The following UXS1 variants were observed in gnomAD, a reference collection of about 807,000 sequenced individuals.
UXS1 encodes UDP-glucuronate decarboxylase 1, also known as UDP-glucuronic acid decarboxylase 1.
In UXS1, 33 loss-of-function variants were observed where a neutral mutation model predicts 62.6. That is an observed-to-expected ratio of 0.53 (90% CI 0.40 to 0.70). UXS1 has a LOEUF of 0.70. Among genes scored for constraint, UXS1 ranks in the 30% least tolerant of loss-of-function variants. UXS1 has a pLI of 0.00. For synonymous variants in UXS1, 213 were observed against 206.8 expected, an observed-to-expected ratio of 1.03 and a Z score of -0.26; for missense variants, 434 against 556.3, an observed-to-expected ratio of 0.78 and a Z score of 2.21.
At chr2:106,100,803 C>T (rs1239312450) in intron 12 of UXS1, 2 of 458,386 alleles carry the variant, frequency 4.4e-6, no homozygotes, top group East Asian at 7.4e-5. Flanking sequence ...AAAGGCTTCA[C>T]ACAATCTTAG....
At chr2:106,177,343 G>T (rs964518625) in intron 1 of UXS1, among the ~76,000 whole-genome samples, 1 of 151,734 alleles carries the variant, frequency 6.6e-6, no homozygotes, top group Non-Finnish European at 1.5e-5. Context: ...TTACAGTTGC[G>T]TGCTACCACA....
intron 5 of UXS1, among the ~76,000 whole-genome samples, chr2:106,151,773 T>C (rs1451091377): frequency 1.3e-5 from 2 of 152,162 alleles, no homozygotes; most frequent in African/African-American, 2.4e-5. Context: ...TTTGATGCAA[T>C]AGAAATAACC....
chr2:106,118,382 T>A (rs944801650), intron 9 of UXS1, among the ~76,000 whole-genome samples: 1 of 152,166 alleles, frequency 6.6e-6, no homozygotes, highest in African/African-American at 2.4e-5. Flanking sequence ...TTTGCTGGTT[T>A]TATGAATGGA....
chr2:106,129,827 A>C (rs749674251), intron 6 of UXS1, 49 bp from the exon 7 acceptor site: 5 of 1,221,572 alleles, frequency 4.1e-6, no homozygotes, highest in Non-Finnish European at 5.8e-6. Flanking sequence ...GCACCAAAAA[A>C]ATACTGACCT....
At chr2:106,178,787 C>T (rs1026606568) in intron 1 of UXS1, among the ~76,000 whole-genome samples, 17 of 151,410 alleles carry the variant, frequency 1.1e-4, no homozygotes, top group African/African-American at 4.1e-4. Flanking sequence ...TCTACTCCTC[C>T]ATCACCTGCG....
chr2:106,116,076 G>A (rs369419396), intron 9 of UXS1, among the ~76,000 whole-genome samples: 1 of 152,182 alleles, frequency 6.6e-6, no homozygotes, highest in African/African-American at 2.4e-5. Flanking sequence ...GCTTGGGTAT[G>A]CAGGTCCTGA....
chr2:106,126,460 C>A (rs1357359082), intron 7 of UXS1, among the ~76,000 whole-genome samples: 1 of 152,138 alleles, frequency 6.6e-6, no homozygotes, highest in East Asian at 1.9e-4. Context: ...CTCTGCCCCC[C>A]CACCAACAGC....
At chr2:106,124,559 T>G (rs1471546872) in intron 8 of UXS1, among the ~76,000 whole-genome samples, 1 of 152,218 alleles carries the variant, frequency 6.6e-6, no homozygotes, top group African/African-American at 2.4e-5. Flanking sequence ...ACCTGGTGAC[T>G]TCCATAAATT....
Position 106,093,726 on chromosome 2 carries a change from TG to T in UXS1, c.*299del. 1 of 268,966 alleles carries T rather than the reference TG, an allele frequency of 3.7e-6. No individual in the cohort carries two copies. The highest frequency in any genetic ancestry group is 6.9e-6 in the Non-Finnish European group (1 of 145,246). The allele number at this position is 268,966 out of a possible 1,614,324, so 16.7% of individuals were successfully genotyped here. A position where few individuals can be genotyped will look rare whatever the true frequency, so the allele number is the denominator to read the frequency against. On this transcript the variant is annotated 3_prime_UTR_variant, in exon 15 of 15. Coordinates refer to ENST00000283148, the MANE Select transcript of UXS1 (RefSeq NM_001253875.2). Reference sequence around the variant, plus strand: ...TCACAAAGAAACCAGTAAATAAAACTGTCAACGACAGTCACAACATATGCTC... The same window carrying T: ...TCACAAAGAAACCAGTAAATAAAACTTCAACGACAGTCACAACATATGCTC...
chr2:106,115,003 T>TCA (rs1157672607), intron 9 of UXS1, among the ~76,000 whole-genome samples: 2 of 152,120 alleles, frequency 1.3e-5, no homozygotes, highest in Non-Finnish European at 2.9e-5. Context: ...CCCTTGGCCT[T>TCA]CACACAAAGG....
intron 7 of UXS1, among the ~76,000 whole-genome samples, chr2:106,126,062 C>T (rs1679917975): frequency 6.6e-6 from 1 of 152,142 alleles, no homozygotes; most frequent in South Asian, 2.1e-4. Context: ...CCACAATGGT[C>T]AGCTTGCCAC....
At chr2:106,101,258 C>A (rs1054992987) in intron 11 of UXS1, 140 bp from the exon 12 acceptor site, 39 of 742,196 alleles carry the variant, frequency 5.3e-5, no homozygotes, top group Non-Finnish European at 8.5e-5. Flanking sequence ...AATGTCGAAA[C>A]AAAATCCTAC....
chr2:106,146,562 T>C (rs1444753534), intron 5 of UXS1, among the ~76,000 whole-genome samples: 1 of 152,012 alleles, frequency 6.6e-6, no homozygotes, highest in Admixed American at 6.6e-5. Context: ...GTGGATCACT[T>C]GAGATCAGGA....
chr2:106,101,135 G>A lies in UXS1; in HGVS notation c.924-17C>T, dbSNP rs767141357. ...ACTAGATCGCTGGAAAAAAAGGGGA[G>A]GCAGGTGAGGCTCTGCCTGCTGGAA... On this transcript the variant is annotated splice_polypyrimidine_tract_variant and intron_variant, in intron 11 of 14. Coordinates refer to ENST00000283148, the MANE Select transcript of UXS1 (RefSeq NM_001253875.2). 12 of 1,613,540 alleles carry A rather than the reference G, an allele frequency of 7.4e-6. No individual in the cohort carries two copies. Among genetic ancestry groups the A allele is most frequent in the African/African-American group, 1.3e-5 (1 of 74,862 alleles).
chr2:106,104,769 C>T, intron 11 of UXS1, 25 bp downstream of exon 11: 1 of 1,613,952 alleles, frequency 6.2e-7, no homozygotes, highest in Non-Finnish European at 8.5e-7. Flanking sequence ...ACTGCTAAGG[C>T]TGGGGCAGGG....
At chr2:106,153,223 T>C (rs1426115545) in intron 5 of UXS1, among the ~76,000 whole-genome samples, 1 of 152,188 alleles carries the variant, frequency 6.6e-6, no homozygotes, top group Non-Finnish European at 1.5e-5. Context: ...TCTCAAAATC[T>C]ACCCCTGCCA....
intron 4 of UXS1, among the ~76,000 whole-genome samples, chr2:106,161,882 CCTGT>C (rs2105053103): frequency 6.6e-6 from 1 of 152,256 alleles, no homozygotes; most frequent in Non-Finnish European, 1.5e-5. Flanking sequence ...ACAAATATAA[CCTGT>C]AACTTCCAAA....
chr2:106,102,963 T>C (rs1221952579), intron 11 of UXS1: 1 of 152,306 alleles, frequency 6.6e-6, no homozygotes, highest in South Asian at 2.1e-4. Flanking sequence ...TGTTATGAAA[T>C]GGGTTTTCTA....
At chr2:106,176,857 T>TC (rs1683913333) in intron 1 of UXS1, among the ~76,000 whole-genome samples, 1 of 152,184 alleles carries the variant, frequency 6.6e-6, no homozygotes, top group African/African-American at 2.4e-5. Context: ...AAGCCAGAAC[T>TC]CCAATTTGTT....
Sources: allele counts gnomAD v4.1 joint callset (sites outside exome capture counted in the v4.1 genomes callset), GRCh38; gene constraint gnomAD v4.1.1; transcripts MANE v1.5; gene names NCBI Gene and HGNC (gene_info 2026-07-23, HGNC 2026-07-21).